Variants in RND3 observed in about 807,000 individuals in gnomAD.
The protein encoded by RND3 is Rho family GTPase 3.
RND3 carries 8 observed loss-of-function variants against 26.5 expected under a neutral mutation model. The ratio of observed to expected loss-of-function variants is 0.30; its 90% CI spans 0.18 to 0.54. The LOEUF (loss-of-function observed/expected upper bound fraction) is 0.54, where lower values mean the gene tolerates loss of function less well. Among genes scored for constraint, RND3 ranks in the 20% least tolerant of loss-of-function variants. The probability of loss-of-function intolerance (pLI) is 0.94; values close to 1 mark genes in which losing one functional copy is unlikely to be tolerated. For missense variants in RND3, 207 were observed against 302.8 expected, an observed-to-expected ratio of 0.68 and a Z score of 2.35; for synonymous variants, 113 against 113.0, an observed-to-expected ratio of 1.00 and a Z score of 0.00.
At chr2:150,472,092 ATG>A (rs1461349545) in intron 4 of RND3, 1 of 254,016 alleles carries the variant, frequency 3.9e-6, no homozygotes, top group Non-Finnish European at 7.7e-6. Context: ...TTAAAGATAA[ATG>A]TGTCTTAAGA....
At chr2:150,472,631 GC>G (rs1182905342) in intron 4 of RND3, among the ~76,000 whole-genome samples, 1 of 152,128 alleles carries the variant, frequency 6.6e-6, no homozygotes, top group African/African-American at 2.4e-5. Context: ...GAGATCTTTG[GC>G]CTTTGAGGGC....
chr2:150,487,231 C>A (rs1286397615), intron 2 of RND3, 37 bp downstream of exon 2: 4 of 1,534,118 alleles, frequency 2.6e-6, no homozygotes, highest in Non-Finnish European at 3.5e-6. Flanking sequence ...TCCCACTGGC[C>A]GACCCCCTCG....
In RND3 at chr2:150,470,206, A is replaced by T; in HGVS notation, c.516T>A (p.Ala172=). Residue 172 remains alanine, a synonymous_variant, in exon 6 of 6, where the codon GCT becomes GCA. Transcript: ENST00000263895. ...GTAAAGCTGAGCATTCGATATAAGT[A>T]GCTGCTCCAATCTGTTTGGCCATAT... The part of the protein sequence containing the change: ...GANMAKQIGA[A]TYIECSALQS... The T allele has an allele frequency of 6.2e-7, 1 of 1,613,964 alleles. No individual in the cohort carries two copies. Among genetic ancestry groups the T allele is most frequent in the South Asian group, 1.1e-5 (1 of 91,088 alleles).
At chr2:150,484,660 G>T (rs1686328472) in intron 3 of RND3, among the ~76,000 whole-genome samples, 1 of 152,162 alleles carries the variant, frequency 6.6e-6, no homozygotes, top group African/African-American at 2.4e-5. Flanking sequence ...AAAAAGACCT[G>T]CCTGTCCAGC....
intron 4 of RND3, 97 bp downstream of exon 4, chr2:150,474,777 AG>A: frequency 1.6e-6 from 1 of 619,742 alleles, no homozygotes; most frequent in South Asian, 2.3e-5. Context: ...ATTGTAAGGC[AG>A]GGAATTGATT....
chr2:150,479,256 T>G (rs1180752687), intron 3 of RND3, among the ~76,000 whole-genome samples: 1 of 152,156 alleles, frequency 6.6e-6, no homozygotes, highest in Non-Finnish European at 1.5e-5. Flanking sequence ...ACCCAGAAAC[T>G]AATTCTTCAG....
chr2:150,483,231 T>A (rs1260934023), intron 3 of RND3, among the ~76,000 whole-genome samples: 1 of 152,088 alleles, frequency 6.6e-6, no homozygotes, highest in Admixed American at 6.5e-5. Context: ...AGACCCCTTA[T>A]GAGAAGCTGT....
chr2:150,479,974 G>A (rs1686242404), intron 3 of RND3, among the ~76,000 whole-genome samples: 1 of 152,094 alleles, frequency 6.6e-6, no homozygotes, highest in Admixed American at 6.6e-5. Context: ...TCTATTTCTG[G>A]GGGCAATGTA....
intron 3 of RND3, among the ~76,000 whole-genome samples, chr2:150,477,238 T>C (rs557915205): frequency 1.2e-4 from 18 of 152,094 alleles, no homozygotes; most frequent in African/African-American, 2.4e-4. Flanking sequence ...CAAGCAGACC[T>C]GGTATCTTTA....
At chr2:150,479,930 T>C (rs1686241751) in intron 3 of RND3, among the ~76,000 whole-genome samples, 1 of 152,204 alleles carries the variant, frequency 6.6e-6, no homozygotes, top group Non-Finnish European at 1.5e-5. Context: ...TTTGTGGGCA[T>C]TTATGTGTTG....
chr2:150,471,672 T>C lies in RND3; in HGVS notation c.438A>G (p.Leu146=), dbSNP rs760650944. Residue 146 remains leucine, a synonymous_variant, in exon 5 of 6, where the codon TTA becomes TTG. Coordinates refer to ENST00000263895, the MANE Select transcript of RND3 (RefSeq NM_005168.5). ...TCTGCCTGTGATTGGAGAGCTCTACTAATGTACTAACATCTGTCCGCAGAT... is the reference window on the plus strand; with the variant it reads ...TCTGCCTGTGATTGGAGAGCTCTACCAATGTACTAACATCTGTCCGCAGAT... The part of the protein sequence containing the change: ...KSDLRTDVST[L]VELSNHRQTP... 1.5e-5 allele frequency: 24 copies of C among 1,613,248 alleles called. No homozygotes were observed. The highest frequency in any genetic ancestry group is 3.3e-4 in the Middle Eastern group (2 of 6,074).
rs910051949 is a variant in RND3, at chr2:150,471,884, C to G, written c.349-123G>C. ...AGAAAAGATGTTAAAAATGGAGTGT[C>G]CCTTGAGATGAAGAAGCAAACTTTG... On this transcript the variant is annotated intron_variant, in intron 4 of 5. Transcript: ENST00000263895. The G allele has an allele frequency of 6.3e-6, 5 of 799,530 alleles. No homozygotes were observed. The African/African-American group carries it at 8.7e-5, about 14-fold the overall frequency. The allele number at this position is 799,530 out of a possible 1,614,324, so 49.5% of individuals were successfully genotyped here. A position where few individuals can be genotyped will look rare whatever the true frequency, so the allele number is the denominator to read the frequency against.
Position 150,468,631 on chromosome 2 carries a change from A to G in RND3, c.*1356T>C. 1 of 152,690 alleles carries G rather than the reference A, an allele frequency of 6.5e-6. No homozygotes were observed. The highest frequency in any genetic ancestry group is 1.5e-5 in the Non-Finnish European group (1 of 68,040). 9.5% of individuals were successfully genotyped at this position (152,690 alleles called of 1,614,324 possible). On this transcript the variant is annotated 3_prime_UTR_variant, in exon 6 of 6. Transcript: ENST00000263895. ...ATCATGGGAAAGAAAGCTCGTTTTC[A>G]ACAAGCGCCAACAATAAACAGGTCA...
At chr2:150,471,210 A>G (rs750819812) in intron 5 of RND3, among the ~76,000 whole-genome samples, 43 of 152,190 alleles carry the variant, frequency 2.8e-4, no homozygotes, top group Non-Finnish European at 5.1e-4. Flanking sequence ...AGCTTTTGAA[A>G]CTGATTCTCA....
intron 4 of RND3, among the ~76,000 whole-genome samples, 166 bp downstream of exon 4, chr2:150,474,709 T>A (rs1394821634): frequency 6.6e-6 from 1 of 152,226 alleles, no homozygotes; most frequent in East Asian, 1.9e-4. Context: ...AAGTTCATCA[T>A]CAAAAAGTGG....
chr2:150,475,795 T>G (rs1271390703), intron 3 of RND3, among the ~76,000 whole-genome samples: 2 of 152,064 alleles, frequency 1.3e-5, no homozygotes, highest in Non-Finnish European at 2.9e-5. Flanking sequence ...TTTTACAGAG[T>G]CCCATCTCTG....
chr2:150,472,826 G>A (rs1220081868), intron 4 of RND3, among the ~76,000 whole-genome samples: 1 of 152,132 alleles, frequency 6.6e-6, no homozygotes, highest in Non-Finnish European at 1.5e-5. Context: ...TATAACACTA[G>A]ATAAGAGGGA....
chr2:150,480,297 C>G (rs1686248945), intron 3 of RND3, among the ~76,000 whole-genome samples: 1 of 152,124 alleles, frequency 6.6e-6, no homozygotes, highest in South Asian at 2.1e-4. Context: ...TTTTCAAAAC[C>G]AATGTGCACA....
At chr2:150,475,172 C>A in intron 3 of RND3, 188 bp from the exon 4 acceptor site, 2 of 499,364 alleles carry the variant, frequency 4.0e-6, no homozygotes, top group African/African-American at 3.9e-5. Context: ...ATGAATGAAG[C>A]CTCACATGTG....
Sources: allele counts gnomAD v4.1 joint callset (sites outside exome capture counted in the v4.1 genomes callset), GRCh38; gene constraint gnomAD v4.1.1; transcripts MANE v1.5; gene names NCBI Gene and HGNC (gene_info 2026-07-23, HGNC 2026-07-21).